Variants in SMYD3 observed in about 807,000 individuals in gnomAD.
SMYD3 encodes SET and MYND domain containing 3, also known as histone-lysine N-methyltransferase SMYD3.
SMYD3 carries 36 observed loss-of-function variants against 57.7 expected under a neutral mutation model. The ratio of observed to expected loss-of-function variants is 0.62; its 90% confidence interval spans 0.48 to 0.82. SMYD3 has a LOEUF of 0.82. Among genes scored for constraint, SMYD3 ranks in the 40% least tolerant of loss-of-function variants. The pLI, the probability that SMYD3 is intolerant of heterozygous loss-of-function variation, is 0.00. For missense variants in SMYD3, 515 were observed against 538.8 expected, an observed-to-expected ratio of 0.96 and a Z score of 0.44; for synonymous variants, 211 against 195.0, an observed-to-expected ratio of 1.08 and a Z score of -0.68.
At chr1:246,504,145 G>C (rs1268015689) in intron 1 of SMYD3, among the ~76,000 whole-genome samples, 3 of 152,026 alleles carry the variant, frequency 2.0e-5, no homozygotes, top group Admixed American at 6.6e-5. Flanking sequence ...ACAAAAACAA[G>C]TATACAGAAC....
intron 5 of SMYD3, among the ~76,000 whole-genome samples, chr1:245,993,631 T>TAGAC (rs60153898): frequency 0.022 from 2,616 of 120,024 alleles, 46 homozygotes; most frequent in African/African-American, 0.034. Flanking sequence ...GATAGATAGA[T>TAGAC]AGACAGACAG....
At chr1:245,818,290 A>G (rs1023643613) in intron 10 of SMYD3, among the ~76,000 whole-genome samples, 7 of 152,198 alleles carry the variant, frequency 4.6e-5, no homozygotes, top group African/African-American at 1.7e-4. Flanking sequence ...TATCCAGCCA[A>G]ACTAAGCTTC....
At chr1:246,495,116 A>G (rs147711225) in intron 1 of SMYD3, among the ~76,000 whole-genome samples, 7,601 of 152,026 alleles carry the variant, frequency 0.05, 278 homozygotes, top group African/African-American at 0.11. Context: ...TTGGGAGGCC[A>G]AGGCGGGTGG....
At chr1:246,367,306 TTAGA>T in intron 1 of SMYD3, among the ~76,000 whole-genome samples, 1 of 152,004 alleles carries the variant, frequency 6.6e-6, no homozygotes, top group African/African-American at 2.4e-5. Context: ...AGAGAAGGAG[TTAGA>T]TAAGTTTTCT....
At chr1:246,380,755 G>A (rs2066374675) in intron 1 of SMYD3, among the ~76,000 whole-genome samples, 1 of 152,240 alleles carries the variant, frequency 6.6e-6, no homozygotes, top group Non-Finnish European at 1.5e-5. Context: ...TTCTGTGCTA[G>A]ATACCTGTAA....
chr1:246,485,453 G>A (rs1436449445), intron 1 of SMYD3, among the ~76,000 whole-genome samples: 1 of 152,114 alleles, frequency 6.6e-6, no homozygotes, highest in Non-Finnish European at 1.5e-5. Context: ...GTTGACATGT[G>A]AAAAGTTTCC....
At chr1:245,900,737 G>T (rs1222228836) in intron 8 of SMYD3, among the ~76,000 whole-genome samples, 2 of 152,160 alleles carry the variant, frequency 1.3e-5, no homozygotes, top group African/African-American at 4.8e-5. Flanking sequence ...TTTAATAAAA[G>T]ATCATCATTC....
chr1:246,002,070 C>A (rs1357926384), intron 5 of SMYD3, among the ~76,000 whole-genome samples: 2 of 152,118 alleles, frequency 1.3e-5, no homozygotes, highest in Non-Finnish European at 2.9e-5. Flanking sequence ...AGAACCAAAC[C>A]CATCATTTTT....
At chr1:245,953,514 G>A (rs2057730724) in intron 5 of SMYD3, among the ~76,000 whole-genome samples, 1 of 151,816 alleles carries the variant, frequency 6.6e-6, no homozygotes, top group Non-Finnish European at 1.5e-5. Context: ...TCCGCCTCCT[G>A]GGTTCAAGCA....
At chr1:246,356,739 G>T (rs1439154913) in intron 1 of SMYD3, among the ~76,000 whole-genome samples, 1 of 152,020 alleles carries the variant, frequency 6.6e-6, no homozygotes, top group African/African-American at 2.4e-5. Flanking sequence ...ATCCATCAAA[G>T]ACAAAGAAAA....
intron 8 of SMYD3, among the ~76,000 whole-genome samples, chr1:245,884,832 C>A (rs1018617758): frequency 6.6e-6 from 1 of 151,636 alleles, no homozygotes; most frequent in African/African-American, 2.4e-5. Context: ...AATCAGCTCT[C>A]TGTAAAATGG....
intron 1 of SMYD3, among the ~76,000 whole-genome samples, chr1:246,411,975 T>TAAA (rs59193144): frequency 5.0e-5 from 3 of 60,350 alleles, no homozygotes; most frequent in Non-Finnish European, 4.5e-5. Context: ...TAAAGTATAA[T>TAAA]AAAAAAAAAA....
chr1:245,957,123 T>C (rs1306535141), intron 5 of SMYD3, among the ~76,000 whole-genome samples: 1 of 152,126 alleles, frequency 6.6e-6, no homozygotes, highest in East Asian at 1.9e-4. Context: ...AAAGAACTGA[T>C]ACAGAAAATG....
chr1:246,285,809 C>A (rs1359237109), intron 5 of SMYD3, among the ~76,000 whole-genome samples: 1 of 151,996 alleles, frequency 6.6e-6, no homozygotes, highest in Non-Finnish European at 1.5e-5. Context: ...AAAAAACAAT[C>A]TCACCAAAAA....
rs1225878202 is a variant in SMYD3 at position 246,330,500 on chromosome 1, G to A, written c.374C>T (p.Ser125Leu). ...CTTACTTGACTCCAGATCATAAAAT[G>A]AGTAAAGCTTCTCTGATTCTGAAGG... Reference protein sequence around the residue: ...GAPSESEKLYSFYDLESNINK... With the variant: ...GAPSESEKLYLFYDLESNINK... Residue 125 changes from serine (S) to leucine (L), a missense_variant, in exon 4 of 12, where the codon TCA becomes TTA. Ser to Leu is a moderately radical substitution (Grantham distance 145). Transcript: ENST00000490107. The A allele has an allele frequency of 1.3e-6, 2 of 1,593,458 alleles. No homozygotes were observed. The highest frequency in any genetic ancestry group is 1.7e-6 in the Non-Finnish European group (2 of 1,171,472).
intron 5 of SMYD3, among the ~76,000 whole-genome samples, chr1:246,303,399 T>C (rs2064927059): frequency 6.6e-6 from 1 of 152,102 alleles, no homozygotes. Context: ...GATACCAAAA[T>C]CCACAGGTGC....
chr1:246,462,282 ACAGTGCATCCTCTCGCGGG>A (rs2067812282), intron 1 of SMYD3, among the ~76,000 whole-genome samples: 1 of 16,412 alleles, frequency 6.1e-5, no homozygotes, highest in Non-Finnish European at 1.4e-4. Flanking sequence ...CCTGCTGGGT[ACAGTGCATCCTCTCGCGGG>A]GCCTGCTGGG....
In SMYD3 at chr1:246,355,091, C is replaced by G. The variant is rs2148705706; in HGVS notation, c.168G>C (p.Lys56Asn). Reference protein sequence around the residue: ...GVVCDRCLLGKEKLMRCSQCR... With the variant: ...GVVCDRCLLGNEKLMRCSQCR... ...ACTGAGAGCATCGCATCAGCTTTTC[C>G]TTCCTGTGGGGAAAAAAATTAATTC... The change falls in exon 2 of 12, where the codon AAG (lysine) becomes AAC (asparagine). Residue 56 changes from lysine to asparagine, a missense_variant. Transcript: ENST00000490107. The surrounding 1 kb of genome is among the most constrained non-coding windows in gnomAD (Gnocchi z 5.0). 1.2e-6 allele frequency: 2 copies of G among 1,614,100 alleles called. No homozygotes were observed. Among genetic ancestry groups the G allele is most frequent in the East Asian group, 4.5e-5 (2 of 44,886 alleles).
intron 7 of SMYD3, among the ~76,000 whole-genome samples, chr1:245,916,486 G>C (rs916277240): frequency 6.6e-6 from 1 of 152,118 alleles, no homozygotes; most frequent in African/African-American, 2.4e-5. Flanking sequence ...ATCTCGGCTA[G>C]AGCATTCTCA....
Sources: gnomAD v4.1 joint callset for allele counts (sites outside exome capture counted in the v4.1 genomes callset) on GRCh38, gnomAD v4.1.1 for gene constraint, Gnocchi (gnomAD v3.1) non-coding constraint, MANE v1.5 for transcripts, NCBI Gene and HGNC (gene_info 2026-07-23, HGNC 2026-07-21) for gene names.